CBX1: variants seen among roughly 807,000 people sequenced by gnomAD.
CBX1 encodes chromobox 1, also known as chromobox protein homolog 1.
A neutral mutation model predicts 25.1 loss-of-function variants in CBX1; 10 were observed. The ratio of observed to expected loss-of-function variants is 0.40; its 90% CI spans 0.25 to 0.68. The LOEUF is 0.68. CBX1 is among the 30% of genes least tolerant of loss of function. CBX1 has a pLI of 0.40. For missense variants in CBX1, 106 were observed against 218.5 expected (o/e 0.49, Z 3.25); for synonymous variants, 63 against 79.4 (o/e 0.79, Z 1.10).
intron 1 of CBX1, among the ~76,000 whole-genome samples, chr17:48,078,810 G>C (rs1251306906): frequency 5.4e-5 from 1 of 18,616 alleles, no homozygotes; most frequent in African/African-American, 3.1e-4. Context: ...TTTTTTTTTT[G>C]AGACGGAGTC....
At chr17:48,100,837 C>G in intron 1 of CBX1, 1 of 985,752 alleles carries the variant, frequency 1.0e-6, no homozygotes, top group South Asian at 4.7e-5. Context: ...CTGGCAGTCC[C>G]AGCCGGACCC....
At chr17:48,076,620 A>G (rs1598304323) in intron 2 of CBX1, among the ~76,000 whole-genome samples, 1 of 152,178 alleles carries the variant, frequency 6.6e-6, no homozygotes, top group South Asian at 2.1e-4. Flanking sequence ...GCAGCGAGCT[A>G]TGACTGCACC....
chr17:48,078,338 G>A (rs62064917), intron 1 of CBX1, among the ~76,000 whole-genome samples: 34,402 of 151,686 alleles, frequency 0.23, 4,181 homozygotes, highest in South Asian at 0.33. Flanking sequence ...GACTACCGGC[G>A]CCCGCCACCA....
At position 48,077,031 on chromosome 17, in the gene CBX1, G is replaced by C; in HGVS notation, c.-27C>G. ...GTGCCCGCCAGCTTTCTGGTGTAAA[G>C]GGTGACGCTGCTAAAATGATAAATG... On this transcript the variant is annotated 5_prime_UTR_variant, in exon 2 of 5. Coordinates refer to ENST00000225603, the MANE Select transcript of CBX1 (RefSeq NM_001127228.2). 1 of 1,600,240 alleles carries C rather than the reference G, an allele frequency of 6.2e-7. No individual in the cohort carries two copies. Among genetic ancestry groups the C allele is most frequent in the Non-Finnish European group, 8.5e-7 (1 of 1,174,370 alleles).
chr17:48,077,156 TAGTA>T (rs1368886183), intron 1 of CBX1, 115 bp from the exon 2 acceptor site: 8 of 751,072 alleles, frequency 1.1e-5, no homozygotes, highest in South Asian at 3.9e-5. Flanking sequence ...ATGCTGCTTA[TAGTA>T]AGTGTTAGGC....
intron 1 of CBX1, chr17:48,088,443 AC>A (rs1410351092): frequency 6.6e-6 from 1 of 150,510 alleles, no homozygotes; most frequent in Non-Finnish European, 1.5e-5. Context: ...ACATGGTGAA[AC>A]CCCATCTCTA....
chr17:48,092,283 C>T (rs1239527792), intron 1 of CBX1, among the ~76,000 whole-genome samples: 2 of 151,652 alleles, frequency 1.3e-5, no homozygotes, highest in African/African-American at 4.8e-5. Flanking sequence ...AGCCACCATG[C>T]CCGACCAGAT....
At chr17:48,092,908 T>C (rs1480064438) in intron 1 of CBX1, among the ~76,000 whole-genome samples, 1 of 151,702 alleles carries the variant, frequency 6.6e-6, no homozygotes. Flanking sequence ...CAGTCTCTAC[T>C]AAAAATACAA....
At chr17:48,073,193 AAGC>A (rs920160345) in intron 4 of CBX1, among the ~76,000 whole-genome samples, 3 of 152,098 alleles carry the variant, frequency 2.0e-5, no homozygotes, top group Admixed American at 1.3e-4. Flanking sequence ...AGCGTAAAGC[AAGC>A]AGGAGACACC....
chr17:48,089,323 T>A (rs113268752), intron 1 of CBX1, among the ~76,000 whole-genome samples: 1 of 150,654 alleles, frequency 6.6e-6, no homozygotes, highest in Non-Finnish European at 1.5e-5. Flanking sequence ...GGATGGTCTC[T>A]ATCTCCTGAC....
intron 4 of CBX1, among the ~76,000 whole-genome samples, chr17:48,074,320 T>C (rs528210284): frequency 6.6e-6 from 1 of 152,290 alleles, no homozygotes; most frequent in African/African-American, 2.4e-5. Flanking sequence ...AATACAATCA[T>C]TGAGATCCAC....
intron 1 of CBX1, among the ~76,000 whole-genome samples, chr17:48,083,170 TTTTA>T (rs1046938659): frequency 3.8e-4 from 56 of 148,934 alleles, no homozygotes; most frequent in South Asian, 2.7e-3. Context: ...CTGGCCTAAT[TTTTA>T]TTTATTTATT....
At position 48,075,028 on chromosome 17, in the gene CBX1, C is replaced by G; in HGVS notation, c.391G>C (p.Glu131Gln). ...CACCATTTCATCAGGAACATGAGCT[C>G]TCCACTGGAGTCTGTAGCTCCAATA... ...RIIGATDSSG[E>Q]LMFLMKWKNS... is the part of the protein sequence containing the mutation. The change falls in exon 4 of 5, where the codon GAG (glutamate) becomes CAG (glutamine). Residue 131 changes from glutamate to glutamine, a missense_variant. Physicochemically the swap from Glu to Gln is conservative, Grantham distance 29. Around this residue, in one of 4 missense-constraint regions of CBX1, gnomAD observed 71 missense variants for 144.1 expected, o/e 0.49. Coordinates refer to ENST00000225603, the MANE Select transcript of CBX1 (RefSeq NM_001127228.2). 1 of 1,613,304 alleles carries G rather than the reference C, an allele frequency of 6.2e-7. No individual in the cohort carries two copies. The highest frequency in any genetic ancestry group is 8.5e-7 in the Non-Finnish European group (1 of 1,179,242).
chr17:48,078,638 C>T (rs954555591), intron 1 of CBX1, among the ~76,000 whole-genome samples: 5 of 147,842 alleles, frequency 3.4e-5, no homozygotes, highest in African/African-American at 5.0e-5. Context: ...TACAGGTGCC[C>T]GCCATTACGC....
chr17:48,101,398 C>G lies in CBX1; in HGVS notation c.-168G>C. On this transcript the variant is annotated 5_prime_UTR_variant, in exon 1 of 5. Transcript: ENST00000225603. ...GCCGCAGTGGCGTCCCTCACTGAAGCGGCGTACCGCAGGCCCCGGCCAACG... is the reference window on the plus strand; with the variant it reads ...GCCGCAGTGGCGTCCCTCACTGAAGGGGCGTACCGCAGGCCCCGGCCAACG... The G allele has an allele frequency of 2.0e-6, 2 of 985,626 alleles. No individual in the cohort carries two copies. Among genetic ancestry groups the G allele is most frequent in the South Asian group, 9.4e-5 (2 of 21,320 alleles). 61.1% of individuals were successfully genotyped at this position (985,626 alleles called of 1,614,324 possible). A position where few individuals can be genotyped will look rare whatever the true frequency, so the allele number is the denominator to read the frequency against.
Position 48,078,787 on chromosome 17 carries a change from CT to C in CBX1, c.-37-1747del, listed in dbSNP as rs1184844619. Among the ~76,000 whole-genome samples, 461 of 76,232 alleles carry C rather than the reference CT, an allele frequency of 6.0e-3. 3 individuals carry two copies. Among genetic ancestry groups the C allele is most frequent in the African/African-American group, 0.025 (377 of 15,036 alleles). The allele number at this position is 76,232 out of a possible 152,430, so 50.0% of individuals were successfully genotyped here. A position where few individuals can be genotyped will look rare whatever the true frequency, so the allele number is the denominator to read the frequency against. ...ACAAGCGTGAGCCACCGTGCCTGGA[CT>C]TTTTTTTTTTTTTTTTTTTTTGAGA... On this transcript the variant is annotated intron_variant, in intron 1 of 4. Coordinates refer to ENST00000225603, the MANE Select transcript of CBX1 (RefSeq NM_001127228.2).
intron 1 of CBX1, among the ~76,000 whole-genome samples, chr17:48,080,234 A>G (rs12103808): frequency 0.16 from 24,446 of 151,950 alleles, 2,667 homozygotes; most frequent in African/African-American, 0.3. Flanking sequence ...ATGGGGTTTC[A>G]GCATGTTGGC....
rs869263376 is a variant in CBX1 at position 48,084,202 on chromosome 17, C to CT, written c.-37-7162dup. Among the ~76,000 whole-genome samples the CT allele has an allele frequency of 3.6e-3, 221 of 61,380 alleles. 12 individuals are homozygous for CT. Among genetic ancestry groups the CT allele is most frequent in the African/African-American group, 4.2e-3 (52 of 12,452 alleles). The allele number at this position is 61,380 out of a possible 152,430, so 40.3% of individuals were successfully genotyped here. A position where few individuals can be genotyped will look rare whatever the true frequency, so the allele number is the denominator to read the frequency against. On this transcript the variant is annotated intron_variant, in intron 1 of 4. Coordinates refer to ENST00000225603, the MANE Select transcript of CBX1 (RefSeq NM_001127228.2). ...TGTTGTTCAGGCTTCTCTTTCTTTC[C>CT]TTTTTTTTTTTTTTTTTTTTTTTTT...
chr17:48,074,960 T>C (rs2240121), intron 4 of CBX1, 46 bp downstream of exon 4: 132,111 of 1,307,314 alleles, frequency 0.1, 7,147 homozygotes, highest in East Asian at 0.18. Context: ...ATGAAACCAA[T>C]GGGAGAAGAA....
Sources: allele counts gnomAD v4.1 joint callset (sites outside exome capture counted in the v4.1 genomes callset), GRCh38; gene constraint gnomAD v4.1.1; regional missense constraint gnomAD v4.1.1; transcripts MANE v1.5; gene names NCBI Gene and HGNC (gene_info 2026-07-23, HGNC 2026-07-21).